NEGR1: variants seen among roughly 807,000 people sequenced by gnomAD.
The protein encoded by NEGR1 is IgLON family member 4.
NEGR1 carries 10 observed loss-of-function variants against 40.9 expected under a neutral mutation model. That is an observed-to-expected ratio of 0.24 (90% CI 0.15 to 0.42). The LOEUF is 0.42. Among genes scored for constraint, NEGR1 ranks in the 10% least tolerant of loss-of-function variants. The pLI, the probability that NEGR1 is intolerant of heterozygous loss-of-function variation, is 1.00. For synonymous variants in NEGR1, 185 were observed against 166.8 expected (o/e 1.11, Z -0.84); for missense variants, 352 against 438.9 (o/e 0.80, Z 1.77).
intron 3 of NEGR1, among the ~76,000 whole-genome samples, chr1:71,748,730 A>G (rs550241511): frequency 1.1e-4 from 17 of 152,164 alleles, no homozygotes; most frequent in Non-Finnish European, 2.2e-4. Context: ...CGGTGCTCAC[A>G]TGATGACATA....
At chr1:72,086,196 T>G (rs1648215089) in intron 1 of NEGR1, among the ~76,000 whole-genome samples, 1 of 152,150 alleles carries the variant, frequency 6.6e-6, no homozygotes, top group Non-Finnish European at 1.5e-5. Flanking sequence ...TAGTTACACG[T>G]TAGTGACACT....
rs1190196739 is a variant in NEGR1 at position 72,050,316 on chromosome 1, A to C, written c.177-115005T>G. Among the ~76,000 whole-genome samples the C allele has an allele frequency of 2.0e-4, 30 of 151,544 alleles. 1 individual carries two copies. In the Admixed American group the frequency reaches 2.0e-3, roughly 10 times the overall value. On this transcript the variant is annotated intron_variant, in intron 1 of 6. Transcript: ENST00000357731. ...ATTTATATAATGCAGTTAAATAATA[A>C]ATTTCATTTAAATGTATTTTTAAAT...
At chr1:71,785,119 C>G (rs1320404197) in intron 2 of NEGR1, among the ~76,000 whole-genome samples, 3 of 152,162 alleles carry the variant, frequency 2.0e-5, no homozygotes, top group Non-Finnish European at 2.9e-5. Context: ...GTTTCACTTA[C>G]TTGGATAATT....
At chr1:71,925,347 G>T (rs1297491186) in intron 2 of NEGR1, among the ~76,000 whole-genome samples, 3 of 152,178 alleles carry the variant, frequency 2.0e-5, no homozygotes, top group Non-Finnish European at 4.4e-5. Flanking sequence ...CTTAGTGCAG[G>T]TGCATGGTCC....
intron 1 of NEGR1, among the ~76,000 whole-genome samples, chr1:72,091,481 G>A (rs373945070): frequency 2.9e-4 from 40 of 138,732 alleles, no homozygotes; most frequent in African/African-American, 8.6e-4. Flanking sequence ...TCCTTCTCCC[G>A]TTGTATGAGA....
At chr1:71,961,686 C>T (rs555049686) in intron 1 of NEGR1, among the ~76,000 whole-genome samples, 1 of 152,202 alleles carries the variant, frequency 6.6e-6, no homozygotes, top group East Asian at 1.9e-4. Flanking sequence ...CTTTTTAATT[C>T]TGTCATCCTG....
intron 6 of NEGR1, among the ~76,000 whole-genome samples, chr1:71,566,155 T>C (rs944044783): frequency 2.0e-5 from 3 of 152,042 alleles, no homozygotes; most frequent in Admixed American, 1.3e-4. Flanking sequence ...TATAAGACAA[T>C]GTATTTCTGT....
rs187959355 is a variant in NEGR1 at position 72,094,386 on chromosome 1, A to G, written c.177-159075T>C. Among the ~76,000 whole-genome samples the G allele has an allele frequency of 1.1e-4, 16 of 152,286 alleles. No homozygotes were observed. In the East Asian group the frequency reaches 3.1e-3, roughly 29 times the overall value. On this transcript the variant is annotated intron_variant, in intron 1 of 6. Coordinates refer to ENST00000357731, the MANE Select transcript of NEGR1 (RefSeq NM_173808.3). The stretch of plus-strand genomic sequence containing the variant: ...GGCTTACAGAGGAAATAACTTGTGC[A>G]AAGGCCCTGAACGAGGTCAGTAATG...
chr1:72,182,796 ATATG>A (rs1235311102), intron 1 of NEGR1, among the ~76,000 whole-genome samples: 3 of 146,142 alleles, frequency 2.1e-5, no homozygotes, highest in Admixed American at 7.0e-5. Flanking sequence ...ATATATATAT[ATATG>A]TTTGTATGTG....
At chr1:72,082,981 C>A (rs1030939416) in intron 1 of NEGR1, among the ~76,000 whole-genome samples, 1 of 152,002 alleles carries the variant, frequency 6.6e-6, no homozygotes, top group Admixed American at 6.6e-5. Context: ...TGGTCAGTTG[C>A]TTCATTGTAG....
At chr1:71,921,196 G>C (rs1268178094) in intron 2 of NEGR1, among the ~76,000 whole-genome samples, 1 of 151,952 alleles carries the variant, frequency 6.6e-6, no homozygotes, top group African/African-American at 2.4e-5. Context: ...ATTTTTCCTA[G>C]AATGTAAGGC....
intron 4 of NEGR1, among the ~76,000 whole-genome samples, chr1:71,654,348 T>C (rs1014228108): frequency 1.3e-5 from 2 of 152,164 alleles, no homozygotes; most frequent in African/African-American, 4.8e-5. Context: ...TTAATATTAA[T>C]GTGCCAATAT....
At chr1:72,072,683 A>T (rs1270557203) in intron 1 of NEGR1, among the ~76,000 whole-genome samples, 1 of 152,134 alleles carries the variant, frequency 6.6e-6, no homozygotes, top group East Asian at 1.9e-4. Context: ...TCTGTGTAAC[A>T]CAAAGGCTGA....
intron 1 of NEGR1, among the ~76,000 whole-genome samples, chr1:72,137,837 A>C (rs1296902445): frequency 6.6e-6 from 1 of 152,156 alleles, no homozygotes; most frequent in Non-Finnish European, 1.5e-5. Context: ...CATACAGAAG[A>C]CCACTTGTGT....
rs147056519 is a variant in NEGR1 at position 71,583,293 on chromosome 1, C to A, written c.940+9524G>T. ...CGAAAATAATAAATGGAAGATTTATCATGATGGTGATATGTGGCAGCCTAA... is the reference window on the plus strand; with the variant it reads ...CGAAAATAATAAATGGAAGATTTATAATGATGGTGATATGTGGCAGCCTAA... On this transcript the variant is annotated intron_variant, in intron 6 of 6. Coordinates refer to ENST00000357731, the MANE Select transcript of NEGR1 (RefSeq NM_173808.3). 4.1e-3 allele frequency among the ~76,000 whole-genome samples: 631 copies of A among 152,180 alleles called. 2 individuals are homozygous for A. The highest frequency in any genetic ancestry group is 0.014 in the African/African-American group (571 of 41,526).
chr1:71,572,475 T>A (rs1010435980), intron 6 of NEGR1, among the ~76,000 whole-genome samples: 5 of 152,172 alleles, frequency 3.3e-5, no homozygotes, highest in African/African-American at 1.2e-4. Flanking sequence ...TCAACAACAG[T>A]ACCCTGCACA....
intron 3 of NEGR1, among the ~76,000 whole-genome samples, chr1:71,702,902 C>T (rs1181886785): frequency 6.6e-6 from 1 of 151,998 alleles, no homozygotes; most frequent in Admixed American, 6.6e-5. Flanking sequence ...AGTGGTCTTG[C>T]ATTGTCAAGG....
At chr1:72,052,191 T>A (rs1047484789) in intron 1 of NEGR1, among the ~76,000 whole-genome samples, 1 of 151,466 alleles carries the variant, frequency 6.6e-6, no homozygotes, top group East Asian at 1.9e-4. Context: ...TCAAATGCTA[T>A]AGAAAGTGCT....
chr1:71,963,046 T>C (rs1229839678), intron 1 of NEGR1, among the ~76,000 whole-genome samples: 1 of 152,140 alleles, frequency 6.6e-6, no homozygotes, highest in African/African-American at 2.4e-5. Flanking sequence ...TTGTATGTCT[T>C]TTCAGAAATT....
Sources: gnomAD v4.1 joint callset for allele counts (sites outside exome capture counted in the v4.1 genomes callset) on GRCh38, gnomAD v4.1.1 for gene constraint, MANE v1.5 for transcripts, NCBI Gene and HGNC (gene_info 2026-07-23, HGNC 2026-07-21) for gene names.